Variants in TRAPPC9 observed in about 807,000 individuals in gnomAD.
TRAPPC9 encodes trafficking protein particle complex subunit 9, also known as IKK2 binding protein.
Under a neutral mutation model 124.0 loss-of-function variants are expected in TRAPPC9, and 83 were observed. That is an observed-to-expected ratio of 0.67 (90% CI 0.56 to 0.80). The LOEUF is 0.80. Among genes scored for constraint, TRAPPC9 ranks in the 30% least tolerant of loss-of-function variants. The pLI is 0.00. For missense variants in TRAPPC9, 1,302 were observed against 1,508.3 expected (o/e 0.86, Z 2.27); for synonymous variants, 638 against 617.5 (o/e 1.03, Z -0.49).
intron 21 of TRAPPC9, among the ~76,000 whole-genome samples, chr8:139,853,486 G>A (rs1267749700): frequency 6.6e-6 from 1 of 152,236 alleles, no homozygotes; most frequent in Non-Finnish European, 1.5e-5. Context: ...TGTTCATCCT[G>A]AATCACCTGC....
chr8:139,794,292 C>T (rs1018674407), intron 21 of TRAPPC9, among the ~76,000 whole-genome samples: 1 of 152,194 alleles, frequency 6.6e-6, no homozygotes, highest in Non-Finnish European at 1.5e-5. Context: ...AACAGGGCCT[C>T]CTCTCCTCCT....
At chr8:140,404,857 C>T (rs192017890) in intron 6 of TRAPPC9, among the ~76,000 whole-genome samples, 404 of 146,738 alleles carry the variant, frequency 2.8e-3, no homozygotes, top group African/African-American at 9.3e-3. Flanking sequence ...TGCCTGTGTG[C>T]GGGTGTGAGC....
chr8:140,265,743 T>C (rs1306063021), intron 15 of TRAPPC9, among the ~76,000 whole-genome samples: 1 of 152,204 alleles, frequency 6.6e-6, no homozygotes, highest in East Asian at 1.9e-4. Context: ...TCAGGTGAAA[T>C]TGGTTACTTT....
At chr8:139,947,907 T>TATATATATATATAGAGAGAGGGAGAG in intron 19 of TRAPPC9, among the ~76,000 whole-genome samples, 1 of 60,364 alleles carries the variant, frequency 1.7e-5, no homozygotes, top group Non-Finnish European at 3.3e-5. Context: ...TATATATATA[T>TATATATATATATAGAGAGAGGGAGAG]AGAGAGAGAG....
At chr8:140,292,924 A>G (rs1457134368) in intron 11 of TRAPPC9, among the ~76,000 whole-genome samples, 6 of 140,894 alleles carry the variant, frequency 4.3e-5, no homozygotes, top group Admixed American at 2.1e-4. Context: ...CAGAGTGAAC[A>G]GGCAACCTAC....
At chr8:140,193,326 G>A (rs2062540509) in intron 17 of TRAPPC9, among the ~76,000 whole-genome samples, 1 of 152,172 alleles carries the variant, frequency 6.6e-6, no homozygotes, top group South Asian at 2.1e-4. Context: ...CTAGATTCTT[G>A]CAGATCTAAG....
intron 8 of TRAPPC9, among the ~76,000 whole-genome samples, chr8:140,368,195 T>C (rs896396572): frequency 6.6e-6 from 1 of 152,200 alleles, no homozygotes; most frequent in African/African-American, 2.4e-5. Flanking sequence ...TGCTTTTGTC[T>C]TAGCCGTTGT....
At chr8:139,881,762 A>T (rs1465496922) in intron 21 of TRAPPC9, among the ~76,000 whole-genome samples, 1 of 151,196 alleles carries the variant, frequency 6.6e-6, no homozygotes, top group Non-Finnish European at 1.5e-5. Context: ...ACCTTCTCAA[A>T]TTCTCCAAGA....
intron 8 of TRAPPC9, among the ~76,000 whole-genome samples, chr8:140,366,827 A>G (rs1270107162): frequency 6.6e-6 from 1 of 152,200 alleles, no homozygotes; most frequent in East Asian, 1.9e-4. Flanking sequence ...AAAAGACACA[A>G]CTGATAAAGG....
In TRAPPC9 at chr8:139,796,134, AAGGAGGAGGAAG is replaced by A. The variant is rs1200867251; in HGVS notation, c.3056-63944_3056-63933del. Among the ~76,000 whole-genome samples, 537 of 123,890 alleles carry A rather than the reference AAGGAGGAGGAAG, an allele frequency of 4.3e-3. 3 individuals carry two copies. Among genetic ancestry groups the A allele is most frequent in the Middle Eastern group, 9.5e-3 (2 of 210 alleles). 81.3% of individuals were successfully genotyped at this position (123,890 alleles called of 152,430 possible). Reference sequence around the variant, plus strand: ...GAGGAGGAGGGAGGAGGAAGAGGAGAAGGAGGAGGAAGAGGAGGAGGAAGAGGAGGAGGAGGA... The same window carrying A: ...GAGGAGGAGGGAGGAGGAAGAGGAGAAGGAGGAGGAAGAGGAGGAGGAGGA... On this transcript the variant is annotated intron_variant, in intron 21 of 22. Transcript: ENST00000438773.
rs1348189953 is a variant in TRAPPC9, at chr8:139,984,272, G to A, written c.2810+4454C>T. 6.6e-6 allele frequency among the ~76,000 whole-genome samples: 1 copy of A among 152,164 alleles called. No homozygotes were observed. The highest frequency in any genetic ancestry group is 1.5e-5 in the Non-Finnish European group (1 of 68,030). On this transcript the variant is annotated intron_variant, in intron 19 of 22. Transcript: ENST00000438773. This position sits in a 1 kb window ranked among gnomAD's most constrained non-coding sequence, Gnocchi z 4.3. ...TGCTATCTGCAGAGAAAAGTTCTGT[G>A]CACCTGCCTCCCTCCCAGGTAGCAG...
intron 12 of TRAPPC9, among the ~76,000 whole-genome samples, chr8:140,288,490 A>C (rs2065553567): frequency 6.6e-6 from 1 of 152,166 alleles, no homozygotes; most frequent in Admixed American, 6.5e-5. Flanking sequence ...TGGCCTCAAG[A>C]CGGTGGCCCA....
In TRAPPC9 at chr8:139,822,765, G is replaced by T. The variant is rs150005459; in HGVS notation, c.3055+63114C>A. On this transcript the variant is annotated intron_variant, in intron 21 of 22. Transcript: ENST00000438773. The stretch of plus-strand genomic sequence containing the variant: ...CTTCAGACACCAGGACCATGGCTGG[G>T]TAGGGTGGCAGTAGTGTAAACATGA... Among the ~76,000 whole-genome samples the T allele has an allele frequency of 2.1e-3, 325 of 152,358 alleles. 2 individuals carry two copies. The highest frequency in any genetic ancestry group is 7.5e-3 in the African/African-American group (313 of 41,572).
At chr8:139,812,361 T>G (rs537921255) in intron 21 of TRAPPC9, among the ~76,000 whole-genome samples, 2 of 152,302 alleles carry the variant, frequency 1.3e-5, no homozygotes, top group South Asian at 4.1e-4. Flanking sequence ...GATAGAACTG[T>G]AGTAGACAGG....
intron 1 of TRAPPC9, among the ~76,000 whole-genome samples, chr8:140,455,592 A>G (rs1013719646): frequency 3.3e-5 from 5 of 151,728 alleles, no homozygotes; most frequent in Non-Finnish European, 7.4e-5. Flanking sequence ...CACCATGCCC[A>G]GCTAATTTTT....
intron 11 of TRAPPC9, among the ~76,000 whole-genome samples, 193 bp downstream of exon 11, chr8:140,300,276 C>CGCATGCACACATACATATGCAT (rs1305248946): frequency 3.6e-4 from 52 of 142,510 alleles, no homozygotes; most frequent in Non-Finnish European, 3.1e-4. Context: ...CACATATGCA[C>CGCATGCACACATACATATGCAT]GCATGCACAC....
chr8:139,804,871 A>C (rs1192854383), intron 21 of TRAPPC9, among the ~76,000 whole-genome samples: 1 of 152,134 alleles, frequency 6.6e-6, no homozygotes, highest in African/African-American at 2.4e-5. Flanking sequence ...ACTGAATCCC[A>C]TGAGGACCCC....
At chr8:139,938,891 C>A (rs909555664) in intron 19 of TRAPPC9, among the ~76,000 whole-genome samples, 2 of 151,924 alleles carry the variant, frequency 1.3e-5, no homozygotes, top group African/African-American at 2.4e-5. Context: ...ATGATCCACC[C>A]GCCTCGGCCT....
intron 19 of TRAPPC9, among the ~76,000 whole-genome samples, chr8:139,960,048 G>C (rs1001250371): frequency 1.3e-5 from 2 of 152,256 alleles, no homozygotes; most frequent in Non-Finnish European, 2.9e-5. Flanking sequence ...AACAGCTCAT[G>C]TATTAGTCAC....
Sources: gnomAD v4.1 joint callset for allele counts (sites outside exome capture counted in the v4.1 genomes callset) on GRCh38, gnomAD v4.1.1 for gene constraint, Gnocchi (gnomAD v3.1) non-coding constraint, MANE v1.5 for transcripts, NCBI Gene and HGNC (gene_info 2026-07-23, HGNC 2026-07-21) for gene names.